Variants in RTN4RL1 observed in about 807,000 individuals in gnomAD.
The protein encoded by RTN4RL1 is reticulon-4 receptor-like 1.
Under a neutral mutation model 25.6 loss-of-function variants are expected in RTN4RL1, and 7 were observed. The ratio of observed to expected loss-of-function variants is 0.27; its 90% CI spans 0.16 to 0.51. RTN4RL1 has a LOEUF of 0.51. RTN4RL1 is among the 20% of genes least tolerant of loss of function. The pLI, the probability that RTN4RL1 is intolerant of heterozygous loss-of-function variation, is 0.97. For synonymous variants in RTN4RL1, 297 were observed against 288.2 expected, an observed-to-expected ratio of 1.03 and a Z score of -0.31; for missense variants, 500 against 615.6, an observed-to-expected ratio of 0.81 and a Z score of 1.99.
chr17:2,016,926 C>T (rs1303037216), intron 1 of RTN4RL1, among the ~76,000 whole-genome samples: 1 of 152,214 alleles, frequency 6.6e-6, no homozygotes, highest in Non-Finnish European at 1.5e-5. Flanking sequence ...AAGGCAAAAC[C>T]TTCTAAAAGG....
At position 1,996,000 on chromosome 17, in the gene RTN4RL1, C is replaced by T. The variant is rs111315462; in HGVS notation, c.13+28853G>A. ...GATAACACTGGTGTAGGTTCCTTGGCGAGGTGAGGGCGTGCTGAGCCTGTG... is the reference window on the plus strand; with the variant it reads ...GATAACACTGGTGTAGGTTCCTTGGTGAGGTGAGGGCGTGCTGAGCCTGTG... On this transcript the variant is annotated intron_variant, in intron 1 of 1. Coordinates refer to ENST00000331238, the MANE Select transcript of RTN4RL1 (RefSeq NM_178568.4). Among the ~76,000 whole-genome samples the T allele has an allele frequency of 1.1e-4, 17 of 152,100 alleles. No homozygotes were observed. The East Asian group carries it at 2.9e-3, about 26-fold the overall frequency.
chr17:1,992,259 G>A (rs576325207), intron 1 of RTN4RL1, among the ~76,000 whole-genome samples: 1 of 151,772 alleles, frequency 6.6e-6, no homozygotes, highest in Non-Finnish European at 1.5e-5. Context: ...AGCTACTTGG[G>A]GGGGCAGGAG....
At chr17:2,005,527 G>A (rs1289938691) in intron 1 of RTN4RL1, among the ~76,000 whole-genome samples, 2 of 152,204 alleles carry the variant, frequency 1.3e-5, no homozygotes, top group African/African-American at 4.8e-5. Context: ...CTGATGAGGA[G>A]GAAGCTTCCA....
intron 1 of RTN4RL1, among the ~76,000 whole-genome samples, chr17:2,016,791 C>G (rs1385883639): frequency 6.6e-6 from 1 of 152,242 alleles, no homozygotes; most frequent in African/African-American, 2.4e-5. Flanking sequence ...CCCTCACTGG[C>G]CATCAAGTGA....
chr17:1,981,576 G>T (rs959842968), intron 1 of RTN4RL1, among the ~76,000 whole-genome samples: 2 of 152,132 alleles, frequency 1.3e-5, no homozygotes, highest in Non-Finnish European at 2.9e-5. Flanking sequence ...TGGCTGCCTC[G>T]TGTGCAGATA....
In RTN4RL1 at chr17:1,994,459, C is replaced by T. The variant is rs1417229122; in HGVS notation, c.13+30394G>A. ...CTGCCCAAGTCCTGAATATCCTCGG[C>T]CTCATCCCCTGATATTCTCAATTCT... On this transcript the variant is annotated intron_variant, in intron 1 of 1. Coordinates refer to ENST00000331238, the MANE Select transcript of RTN4RL1 (RefSeq NM_178568.4). The surrounding 1 kb of genome is among the most constrained non-coding windows in gnomAD (Gnocchi z 4.3). 6.6e-6 allele frequency among the ~76,000 whole-genome samples: 1 copy of T among 152,214 alleles called. No individual in the cohort carries two copies. Among genetic ancestry groups the T allele is most frequent in the Non-Finnish European group, 1.5e-5 (1 of 68,036 alleles).
intron 1 of RTN4RL1, among the ~76,000 whole-genome samples, chr17:1,970,996 C>T (rs757881042): frequency 2.6e-5 from 4 of 152,220 alleles, no homozygotes; most frequent in Non-Finnish European, 5.9e-5. Flanking sequence ...GATCTTACCA[C>T]GTGCCAGTGA....
intron 1 of RTN4RL1, among the ~76,000 whole-genome samples, chr17:1,982,732 G>A (rs1398363679): frequency 6.6e-6 from 1 of 152,200 alleles, no homozygotes; most frequent in East Asian, 1.9e-4. Context: ...GAGGTGGACC[G>A]CCAGGCTCCC....
At chr17:2,008,142 G>T (rs987532651) in intron 1 of RTN4RL1, among the ~76,000 whole-genome samples, 3 of 151,536 alleles carry the variant, frequency 2.0e-5, no homozygotes, top group Non-Finnish European at 2.9e-5. Flanking sequence ...GGTGGTGCAT[G>T]CCTGTAATTC....
chr17:1,950,955 G>A (rs148524396), intron 1 of RTN4RL1, among the ~76,000 whole-genome samples: 1 of 147,464 alleles, frequency 6.8e-6, no homozygotes, highest in African/African-American at 2.5e-5. Context: ...TGTTAAGAAA[G>A]TAAAGGAACT....
intron 1 of RTN4RL1, among the ~76,000 whole-genome samples, chr17:1,967,700 C>T (rs1039421802): frequency 4.0e-5 from 6 of 151,890 alleles, no homozygotes; most frequent in Admixed American, 6.6e-5. Context: ...AGTGCAATGG[C>T]GCCATCTCAG....
intron 1 of RTN4RL1, among the ~76,000 whole-genome samples, chr17:2,013,478 G>A (rs1306353589): frequency 1.3e-5 from 2 of 152,240 alleles, no homozygotes; most frequent in Non-Finnish European, 2.9e-5. Flanking sequence ...CTACAGAGCA[G>A]GCCAACTGTG....
chr17:1,962,755 C>T (rs950726347), intron 1 of RTN4RL1, among the ~76,000 whole-genome samples: 10 of 150,112 alleles, frequency 6.7e-5, no homozygotes, highest in Non-Finnish European at 1.0e-4. Flanking sequence ...CCCAGCCACT[C>T]GGGAGGCTGA....
chr17:2,012,825 G>A (rs762103182), intron 1 of RTN4RL1, among the ~76,000 whole-genome samples: 11 of 147,358 alleles, frequency 7.5e-5, no homozygotes, highest in Middle Eastern at 3.2e-3. Context: ...TTGGAGTCTC[G>A]CTCTGTCACC....
chr17:1,937,444 C>T lies in RTN4RL1; in HGVS notation c.378G>A (p.Lys126=). The T allele has an allele frequency of 1.2e-6, 2 of 1,613,888 alleles. No individual in the cohort carries two copies. The highest frequency in any genetic ancestry group is 8.5e-7 in the Non-Finnish European group (1 of 1,179,864). ...LAPETFQGLV[K]LHALYLYKCG... ...ACTTGTAGAGGTAGAGGGCGTGAAG[C>T]TTCACCAGGCCCTGGAAGGTCTCGG... The change falls in exon 2 of 2, where the codon AAG becomes AAA. Residue 126 remains lysine, a synonymous_variant. Transcript: ENST00000331238.
chr17:1,983,713 A>AT (rs1003918668), intron 1 of RTN4RL1, among the ~76,000 whole-genome samples: 133 of 150,272 alleles, frequency 8.9e-4, no homozygotes, highest in Non-Finnish European at 1.4e-3. Flanking sequence ...AACATTTTCT[A>AT]TTTTTTTTGT....
At chr17:1,967,141 G>T (rs565414997) in intron 1 of RTN4RL1, among the ~76,000 whole-genome samples, 1 of 149,110 alleles carries the variant, frequency 6.7e-6, no homozygotes, top group African/African-American at 2.6e-5. Context: ...CCAGGCTCCC[G>T]CCGCTCCTCC....
intron 1 of RTN4RL1, among the ~76,000 whole-genome samples, chr17:1,963,286 T>G (rs1046134270): frequency 3.3e-5 from 5 of 152,206 alleles, no homozygotes; most frequent in African/African-American, 1.2e-4. Flanking sequence ...TCATTTCTCT[T>G]GATTGAATCA....
intron 1 of RTN4RL1, among the ~76,000 whole-genome samples, chr17:1,965,844 CA>C (rs1197017159): frequency 6.6e-6 from 1 of 152,198 alleles, no homozygotes; most frequent in African/African-American, 2.4e-5. Context: ...CTCTGTATAG[CA>C]AAAGGCCATG....
Sources: allele counts gnomAD v4.1 joint callset (sites outside exome capture counted in the v4.1 genomes callset), GRCh38; gene constraint gnomAD v4.1.1; non-coding constraint Gnocchi (gnomAD v3.1); transcripts MANE v1.5; gene names NCBI Gene and HGNC (gene_info 2026-07-23, HGNC 2026-07-21).